Variants in SHISA9 observed in about 807,000 individuals in gnomAD.
SHISA9 encodes the protein protein shisa-9.
Under a neutral mutation model 38.0 loss-of-function variants are expected in SHISA9, and 13 were observed. The observed-to-expected ratio is 0.34, with a 90% CI of 0.22 to 0.54. The LOEUF is 0.54. Ranked by LOEUF, SHISA9 falls within the 20% of genes least tolerant of loss-of-function variation. SHISA9 has a pLI of 0.91. For missense variants in SHISA9, 538 were observed against 575.8 expected (o/e 0.93, Z 0.67); for synonymous variants, 275 against 242.0 (o/e 1.14, Z -1.27).
chr16:13,412,882 CAAACA>C, the SHISA9 span, among the ~76,000 whole-genome samples: 9 of 151,184 alleles, frequency 6.0e-5, no homozygotes, highest in Non-Finnish European at 7.4e-5. Flanking sequence ...AACAAATAAA[CAAACA>C]AAACAAAAAG....
the SHISA9 span, among the ~76,000 whole-genome samples, chr16:13,371,935 G>A: frequency 1.3e-5 from 2 of 152,176 alleles, no homozygotes; most frequent in Non-Finnish European, 2.9e-5. Flanking sequence ...CACAGCAGCT[G>A]CCTAGGCAAC....
chr16:13,347,256 A>G, the SHISA9 span, among the ~76,000 whole-genome samples: 1 of 152,122 alleles, frequency 6.6e-6, no homozygotes, highest in East Asian at 1.9e-4. Context: ...TCTTAAACCA[A>G]TCCTATGAGG....
At chr16:13,503,287 G>T in the SHISA9 span, among the ~76,000 whole-genome samples, 2 of 152,068 alleles carry the variant, frequency 1.3e-5, no homozygotes, top group Non-Finnish European at 2.9e-5. Context: ...GATCATGCAG[G>T]GTCTTAAAGT....
At chr16:12,902,883 C>T (rs1447023100) in intron 1 of SHISA9, 5 of 418,328 alleles carry the variant, frequency 1.2e-5, no homozygotes, top group African/African-American at 8.2e-5. Context: ...TGCTCCCTCA[C>T]CCTCTGGCCG....
chr16:12,922,941 C>T (rs772869089), intron 2 of SHISA9, among the ~76,000 whole-genome samples: 12 of 152,122 alleles, frequency 7.9e-5, no homozygotes, highest in African/African-American at 1.2e-4. Context: ...ACAACTGTAC[C>T]GCCCCTGCCC....
chr16:13,556,016 C>G, the SHISA9 span, among the ~76,000 whole-genome samples: 2 of 152,098 alleles, frequency 1.3e-5, no homozygotes, highest in Non-Finnish European at 2.9e-5. Context: ...AAAATATGGT[C>G]GGGCTTGAGA....
In SHISA9 at chr16:12,902,034, C is replaced by A. The variant is rs1166520939; in HGVS notation, c.-31C>A. On this transcript the variant is annotated 5_prime_UTR_variant, in exon 1 of 5. Coordinates refer to ENST00000558583, the MANE Select transcript of SHISA9 (RefSeq NM_001145204.3). The stretch of plus-strand genomic sequence containing the variant: ...GCGGCCGCAGAGGCTCCAGCGGCGG[C>A]CGAGCGGCCGAGCCCGGGCTGGGAG... 3.1e-5 allele frequency: 44 copies of A among 1,429,152 alleles called. No individual in the cohort carries two copies. The highest frequency in any genetic ancestry group is 4.0e-5 in the Non-Finnish European group (44 of 1,098,386). 88.5% of individuals were successfully genotyped at this position (1,429,152 alleles called of 1,614,324 possible). A position where few individuals can be genotyped will look rare whatever the true frequency, so the allele number is the denominator to read the frequency against.
intron 2 of SHISA9, among the ~76,000 whole-genome samples, chr16:13,081,217 C>G (rs1391362298): frequency 6.6e-6 from 1 of 152,102 alleles, no homozygotes; most frequent in African/African-American, 2.4e-5. Flanking sequence ...AATGTGTTTT[C>G]CAAAACGCAG....
chr16:13,003,859 A>AAATAAT (rs759908367), intron 2 of SHISA9, among the ~76,000 whole-genome samples: 609 of 140,686 alleles, frequency 4.3e-3, no homozygotes, highest in South Asian at 0.012. Context: ...CTCCGTCTCA[A>AAATAAT]AATAATAATA....
intron 2 of SHISA9, among the ~76,000 whole-genome samples, chr16:13,057,851 T>C (rs2073328426): frequency 6.6e-6 from 1 of 152,120 alleles, no homozygotes; most frequent in Admixed American, 6.5e-5. Flanking sequence ...CCTCCCTGTG[T>C]CCATGTGTTC....
chr16:13,368,874 G>A, the SHISA9 span, among the ~76,000 whole-genome samples: 1 of 152,132 alleles, frequency 6.6e-6, no homozygotes, highest in Non-Finnish European at 1.5e-5. Context: ...TAAGTATACA[G>A]TGTATAAATG....
chr16:13,316,251 C>CTA, the SHISA9 span, among the ~76,000 whole-genome samples: 1 of 152,142 alleles, frequency 6.6e-6, no homozygotes, highest in African/African-American at 2.4e-5. Context: ...GAAGAAACAA[C>CTA]TATTGCAAAA....
intron 2 of SHISA9, among the ~76,000 whole-genome samples, chr16:13,130,787 A>G (rs2050299871): frequency 6.6e-6 from 1 of 152,208 alleles, no homozygotes; most frequent in Non-Finnish European, 1.5e-5. Context: ...GCCACAGGCA[A>G]TATGTAGAAG....
intron 2 of SHISA9, among the ~76,000 whole-genome samples, chr16:13,032,992 C>T (rs913321326): frequency 1.3e-5 from 2 of 152,208 alleles, no homozygotes; most frequent in East Asian, 3.8e-4. Context: ...TCAGACCTGC[C>T]TTCTGCTGTG....
chr16:13,510,843 T>TCTCTG, the SHISA9 span, among the ~76,000 whole-genome samples: 1 of 152,120 alleles, frequency 6.6e-6, no homozygotes, highest in Non-Finnish European at 1.5e-5. Flanking sequence ...ATCTCTGCAA[T>TCTCTG]CAAGGACCCT....
chr16:13,354,053 G>A, the SHISA9 span, among the ~76,000 whole-genome samples: 1 of 147,620 alleles, frequency 6.8e-6, no homozygotes. Flanking sequence ...AGGTATTTTA[G>A]TTATCTGACT....
intron 2 of SHISA9, among the ~76,000 whole-genome samples, chr16:13,038,766 G>A (rs1268419380): frequency 6.6e-6 from 1 of 152,096 alleles, no homozygotes; most frequent in Non-Finnish European, 1.5e-5. Flanking sequence ...TAGACCTTAA[G>A]CTCCACAGAG....
chr16:13,104,698 TG>T (rs2073909587), intron 2 of SHISA9, among the ~76,000 whole-genome samples: 2 of 150,002 alleles, frequency 1.3e-5, no homozygotes, highest in South Asian at 4.1e-4. Flanking sequence ...GGGGTGGGGA[TG>T]GAGGTGAAGA....
At chr16:13,299,292 T>C in the SHISA9 span, among the ~76,000 whole-genome samples, 1 of 152,204 alleles carries the variant, frequency 6.6e-6, no homozygotes, top group Non-Finnish European at 1.5e-5. Flanking sequence ...CATCAGGAAT[T>C]AGACCCTCCT....
Sources: gnomAD v4.1 joint callset for allele counts (sites outside exome capture counted in the v4.1 genomes callset) on GRCh38, gnomAD v4.1.1 for gene constraint, MANE v1.5 for transcripts, NCBI Gene and HGNC (gene_info 2026-07-23, HGNC 2026-07-21) for gene names.